TCF4: variants seen among roughly 807,000 people sequenced by gnomAD.
TCF4 encodes transcription factor 4.
A neutral mutation model predicts 82.1 loss-of-function variants in TCF4; 3 were observed. The observed-to-expected ratio is 0.04, with a 90% CI of 0.02 to 0.09. TCF4 has a LOEUF of 0.09. Ranked by LOEUF, TCF4 falls within the 10% of genes least tolerant of loss-of-function variation. The pLI is 1.00. For missense variants in TCF4, 518 were observed against 852.7 expected (o/e 0.61, Z 4.89); for synonymous variants, 276 against 309.6 (o/e 0.89, Z 1.14).
chr18:55,261,271 TGA>T (rs2058029931), intron 12 of TCF4, 193 bp downstream of exon 12: 6 of 671,240 alleles, frequency 8.9e-6, no homozygotes, highest in Non-Finnish European at 5.3e-6. Flanking sequence ...ATTTTGAGGA[TGA>T]GAGAAAGAGA....
chr18:55,329,427 C>T (rs2077137552), intron 8 of TCF4, among the ~76,000 whole-genome samples: 2 of 152,152 alleles, frequency 1.3e-5, no homozygotes, highest in South Asian at 4.1e-4. Flanking sequence ...AAGACAACAA[C>T]TTAGAGTAAA....
At chr18:55,478,772 T>A (rs1221683234) in intron 3 of TCF4, among the ~76,000 whole-genome samples, 1 of 151,298 alleles carries the variant, frequency 6.6e-6, no homozygotes, top group Non-Finnish European at 1.5e-5. Flanking sequence ...CAAGACACTG[T>A]AAAGAATTTT....
chr18:55,234,075 G>C (rs181465288), intron 16 of TCF4, among the ~76,000 whole-genome samples: 285 of 152,204 alleles, frequency 1.9e-3, no homozygotes, highest in African/African-American at 6.8e-3. Flanking sequence ...GTAATCACCG[G>C]TATGAGGCAA....
chr18:55,407,936 G>C (rs1260905960), intron 5 of TCF4, among the ~76,000 whole-genome samples: 1 of 151,994 alleles, frequency 6.6e-6, no homozygotes, highest in Non-Finnish European at 1.5e-5. Context: ...TCCACTCATA[G>C]GGATACTTCT....
chr18:55,518,727 T>C (rs979300438), intron 3 of TCF4, among the ~76,000 whole-genome samples: 1 of 152,172 alleles, frequency 6.6e-6, no homozygotes, highest in African/African-American at 2.4e-5. Context: ...ATCAGTAACA[T>C]AACAGTGTTT....
intron 16 of TCF4, 69 bp downstream of exon 16, chr18:55,234,479 G>A (rs2048792689): frequency 9.4e-6 from 15 of 1,603,344 alleles, no homozygotes; most frequent in Middle Eastern, 1.7e-4. Flanking sequence ...TGAACACCAA[G>A]AGGCTGGGTA....
intron 2 of TCF4, among the ~76,000 whole-genome samples, chr18:55,619,199 C>T (rs1303841345): frequency 6.6e-6 from 1 of 151,972 alleles, no homozygotes; most frequent in Non-Finnish European, 1.5e-5. Flanking sequence ...AGTACAAATG[C>T]TCTTTCTTTA....
chr18:55,602,756 A>G (rs1051648096), intron 2 of TCF4, among the ~76,000 whole-genome samples: 2 of 152,208 alleles, frequency 1.3e-5, no homozygotes, highest in Admixed American at 1.3e-4. Flanking sequence ...TGAGAAACAC[A>G]GGAAAATTTA....
At chr18:55,475,276 T>TTTTATGGAATAAAACA (rs1353742149) in intron 3 of TCF4, among the ~76,000 whole-genome samples, 1 of 152,214 alleles carries the variant, frequency 6.6e-6, no homozygotes, top group African/African-American at 2.4e-5. Context: ...AGGCCAGTTA[T>TTTTATGGAATAAAACA]TTTATGGAAA....
At chr18:55,386,139 C>T (rs1017095817) in intron 6 of TCF4, among the ~76,000 whole-genome samples, 1 of 152,184 alleles carries the variant, frequency 6.6e-6, no homozygotes. Flanking sequence ...TCCCAGGTAC[C>T]TCCAGAAGCA....
At chr18:55,422,885 C>T (rs1424537797) in intron 5 of TCF4, among the ~76,000 whole-genome samples, 1 of 151,998 alleles carries the variant, frequency 6.6e-6, no homozygotes, top group East Asian at 1.9e-4. Flanking sequence ...CGAAGCTCTC[C>T]GATGCATAAT....
intron 15 of TCF4, among the ~76,000 whole-genome samples, chr18:55,247,066 C>T (rs1432144802): frequency 6.6e-6 from 1 of 152,186 alleles, no homozygotes; most frequent in East Asian, 1.9e-4. Context: ...GCATGCCCGG[C>T]TTCTGTGACA....
chr18:55,351,156 G>A (rs2082234093), intron 6 of TCF4, 153 bp from the exon 7 acceptor site: 1 of 908,056 alleles, frequency 1.1e-6, no homozygotes, highest in Non-Finnish European at 1.6e-6. Flanking sequence ...CAAAAGAAAG[G>A]CAGTCTAAGA....
chr18:55,274,764 T>G (rs190397892), intron 10 of TCF4, among the ~76,000 whole-genome samples: 25 of 152,330 alleles, frequency 1.6e-4, no homozygotes, highest in African/African-American at 5.5e-4. Flanking sequence ...GATTCAAGTT[T>G]CATCTTATCT....
intron 3 of TCF4, among the ~76,000 whole-genome samples, chr18:55,524,212 C>T (rs1012675287): frequency 6.6e-6 from 1 of 151,980 alleles, no homozygotes; most frequent in African/African-American, 2.4e-5. Context: ...TACTAGATCA[C>T]GTCCTGTTGG....
intron 3 of TCF4, among the ~76,000 whole-genome samples, chr18:55,498,237 G>A (rs562747833): frequency 6.6e-6 from 1 of 152,324 alleles, no homozygotes; most frequent in African/African-American, 2.4e-5. Context: ...GCACCTGGGG[G>A]CAATATTTAA....
intron 3 of TCF4, among the ~76,000 whole-genome samples, chr18:55,494,035 T>C (rs2145867595): frequency 6.6e-6 from 1 of 152,210 alleles, no homozygotes; most frequent in African/African-American, 2.4e-5. Flanking sequence ...CTCATTTTTA[T>C]ATTACTTTGC....
intron 8 of TCF4, among the ~76,000 whole-genome samples, chr18:55,340,494 G>A (rs2079663017): frequency 6.6e-6 from 1 of 150,726 alleles, no homozygotes; most frequent in African/African-American, 2.4e-5. Context: ...TGAGGTGGGA[G>A]GACCGCTTGA....
intron 5 of TCF4, among the ~76,000 whole-genome samples, chr18:55,455,704 CT>C (rs1249800787): frequency 6.6e-6 from 1 of 152,082 alleles, no homozygotes; most frequent in Non-Finnish European, 1.5e-5. Flanking sequence ...ATTATTTGAC[CT>C]TTGGAACTTT....
Sources: allele counts gnomAD v4.1 joint callset (sites outside exome capture counted in the v4.1 genomes callset), GRCh38; gene constraint gnomAD v4.1.1; transcripts MANE v1.5; gene names NCBI Gene and HGNC (gene_info 2026-07-23, HGNC 2026-07-21).